The following AHI1 variants were observed in gnomAD, a reference collection of about 807,000 sequenced individuals.
AHI1 encodes the protein Abelson helper integration site 1, also known as jouberin.
Under a neutral mutation model 149.3 loss-of-function variants are expected in AHI1, and 123 were observed. The ratio of observed to expected loss-of-function variants is 0.82; its 90% CI spans 0.71 to 0.96. The LOEUF (loss-of-function observed/expected upper bound fraction) is 0.96. AHI1 is among the 40% of genes least tolerant of loss of function. The pLI is 0.00. For synonymous variants in AHI1, 475 were observed against 459.8 expected (o/e 1.03, Z -0.42); for missense variants, 1,439 against 1,422.7 (o/e 1.01, Z -0.18).
chr6:135,407,783 T>C lies in AHI1; in HGVS notation c.2962-2806A>G, dbSNP rs1035552932. Among the ~76,000 whole-genome samples the C allele has an allele frequency of 2.0e-4, 30 of 152,072 alleles. 1 individual carries two copies. Among genetic ancestry groups the C allele is most frequent in the Admixed American group, 1.2e-3 (18 of 15,254 alleles). On this transcript the variant is annotated intron_variant, in intron 21 of 28. Transcript: ENST00000265602. Reference sequence around the variant, plus strand: ...ATCCCAGCACTTTGGGAGGCCGAGGTGGGCGGATCACAAGGTCAGGAGATC... The same window carrying C: ...ATCCCAGCACTTTGGGAGGCCGAGGCGGGCGGATCACAAGGTCAGGAGATC...
At chr6:135,309,921 A>T (rs1045009756) in intron 26 of AHI1, among the ~76,000 whole-genome samples, 1 of 152,194 alleles carries the variant, frequency 6.6e-6, no homozygotes, top group Non-Finnish European at 1.5e-5. Flanking sequence ...AGTTTAAAGC[A>T]AATCCAAGCA....
In AHI1 at chr6:135,347,545, T is replaced by A. The variant is rs568179533; in HGVS notation, c.3165+10587A>T. Among the ~76,000 whole-genome samples, 24 of 152,352 alleles carry A rather than the reference T, an allele frequency of 1.6e-4. No homozygotes were observed. The East Asian group carries it at 4.4e-3, about 28-fold the overall frequency. ...GAAGACCTTTTTTCTGTTTTCCCTT[T>A]GGCAAACGGTGATGATAATAATAAT... On this transcript the variant is annotated intron_variant, in intron 24 of 28. Coordinates refer to ENST00000265602, the MANE Select transcript of AHI1 (RefSeq NM_001134831.2).
intron 23 of AHI1, among the ~76,000 whole-genome samples, chr6:135,389,265 C>T (rs1393546082): frequency 1.4e-5 from 2 of 140,214 alleles, no homozygotes; most frequent in Admixed American, 7.0e-5. Flanking sequence ...GAGCCGAGAT[C>T]GTGCCACTGC....
At chr6:135,369,985 C>T (rs1377688591) in intron 23 of AHI1, among the ~76,000 whole-genome samples, 2 of 152,116 alleles carry the variant, frequency 1.3e-5, no homozygotes, top group Non-Finnish European at 2.9e-5. Flanking sequence ...AAATTCTTGC[C>T]TGCTAATGCC....
At chr6:135,400,725 C>T (rs377148974) in intron 22 of AHI1, among the ~76,000 whole-genome samples, 2 of 152,096 alleles carry the variant, frequency 1.3e-5, no homozygotes, top group Non-Finnish European at 2.9e-5. Flanking sequence ...TAAATATCTC[C>T]GCAGGTAGCT....
intron 24 of AHI1, among the ~76,000 whole-genome samples, chr6:135,329,246 C>T (rs146684837): frequency 4.2e-4 from 64 of 152,200 alleles, no homozygotes; most frequent in Non-Finnish European, 6.9e-4. Flanking sequence ...AAGAAGATGC[C>T]GTCTATGACT....
intron 24 of AHI1, among the ~76,000 whole-genome samples, chr6:135,338,537 C>G (rs538095394): frequency 6.6e-6 from 1 of 152,240 alleles, no homozygotes; most frequent in South Asian, 2.1e-4. Flanking sequence ...ACTTCCAGAA[C>G]AGTGAAGCAG....
chr6:135,484,207 C>T (rs746758676), intron 5 of AHI1, among the ~76,000 whole-genome samples: 14 of 152,104 alleles, frequency 9.2e-5, no homozygotes, highest in African/African-American at 2.4e-4. Flanking sequence ...GATTCAATTA[C>T]CTCCCATTGA....
chr6:135,395,494 A>C (rs1227489538), intron 22 of AHI1, among the ~76,000 whole-genome samples: 1 of 151,958 alleles, frequency 6.6e-6, no homozygotes, highest in African/African-American at 2.4e-5. Context: ...TATAACATAC[A>C]AAACCTAGTA....
intron 20 of AHI1, among the ~76,000 whole-genome samples, chr6:135,417,815 C>T (rs971857053): frequency 1.3e-5 from 2 of 151,920 alleles, no homozygotes; most frequent in Non-Finnish European, 2.9e-5. Context: ...AAACAGAAGC[C>T]GTTCAGAAGT....
At chr6:135,300,837 A>C in intron 26 of AHI1, 3 of 1,099,818 alleles carry the variant, frequency 2.7e-6, no homozygotes, top group Non-Finnish European at 3.3e-6. Flanking sequence ...AAAAAAAATC[A>C]GTTGTGAATC....
chr6:135,296,259 G>A (rs1237508452), intron 27 of AHI1, among the ~76,000 whole-genome samples: 1 of 151,842 alleles, frequency 6.6e-6, no homozygotes, highest in East Asian at 1.9e-4. Flanking sequence ...ACTTTTTTCC[G>A]AGGCACCACC....
At chr6:135,347,197 G>A (rs1201070440) in intron 24 of AHI1, among the ~76,000 whole-genome samples, 1 of 152,164 alleles carries the variant, frequency 6.6e-6, no homozygotes, top group Non-Finnish European at 1.5e-5. Flanking sequence ...CTTTCCAGTG[G>A]TGCCTGTTGT....
At chr6:135,451,203 G>T (rs953173303) in intron 11 of AHI1, among the ~76,000 whole-genome samples, 5 of 152,012 alleles carry the variant, frequency 3.3e-5, no homozygotes, top group African/African-American at 9.7e-5. Flanking sequence ...CACCATATTG[G>T]CCAGGTTGGT....
At chr6:135,459,391 T>C (rs1417196095) in intron 8 of AHI1, among the ~76,000 whole-genome samples, 1 of 152,068 alleles carries the variant, frequency 6.6e-6, no homozygotes, top group South Asian at 2.1e-4. Flanking sequence ...TAGTCTTAAA[T>C]GCATATAAAA....
At chr6:135,425,947 A>G (rs1783855489) in intron 20 of AHI1, among the ~76,000 whole-genome samples, 1 of 151,924 alleles carries the variant, frequency 6.6e-6, no homozygotes, top group African/African-American at 2.4e-5. Context: ...AATTGAATGA[A>G]GACTACTGTA....
At position 135,431,376 on chromosome 6, in the gene AHI1, G is replaced by A. The variant is rs550594801; in HGVS notation, c.2267-62C>T. ...CACACAGAGTTAGAAACAAATAATAGGAAATCGGGGGAAACTATACCCCAG... is the reference window on the plus strand; with the variant it reads ...CACACAGAGTTAGAAACAAATAATAAGAAATCGGGGGAAACTATACCCCAG... On this transcript the variant is annotated intron_variant, in intron 16 of 28. Coordinates refer to ENST00000265602, the MANE Select transcript of AHI1 (RefSeq NM_001134831.2). 10 of 957,220 alleles carry A rather than the reference G, an allele frequency of 1.0e-5. No homozygotes were observed. The South Asian group carries it at 1.9e-4, about 18-fold the overall frequency. The allele number at this position is 957,220 out of a possible 1,614,324, so 59.3% of individuals were successfully genotyped here.
chr6:135,374,108 ATTTTTTTTTTT>A lies in AHI1; in HGVS notation c.3110-15932_3110-15922del, dbSNP rs869245989. Among the ~76,000 whole-genome samples, 383 of 49,794 alleles carry A rather than the reference ATTTTTTTTTTT, an allele frequency of 7.7e-3. 1 individual carries two copies. Among genetic ancestry groups the A allele is most frequent in the South Asian group, 0.015 (20 of 1,334 alleles). 32.7% of individuals were successfully genotyped at this position (49,794 alleles called of 152,430 possible). ...TATATATATATATATATATATATATATTTTTTTTTTTTTTTTTTTTTTTGAGATGGAGTCTT... is the reference window on the plus strand; with the variant it reads ...TATATATATATATATATATATATATATTTTTTTTTTTTGAGATGGAGTCTT... On this transcript the variant is annotated intron_variant, in intron 23 of 28. Coordinates refer to ENST00000265602, the MANE Select transcript of AHI1 (RefSeq NM_001134831.2).
chr6:135,469,492 G>A (rs1475494506), intron 5 of AHI1, among the ~76,000 whole-genome samples: 1 of 151,722 alleles, frequency 6.6e-6, no homozygotes, highest in Non-Finnish European at 1.5e-5. Flanking sequence ...AATTCATATG[G>A]AACAAAAAAA....
Sources: allele counts gnomAD v4.1 joint callset (sites outside exome capture counted in the v4.1 genomes callset), GRCh38; gene constraint gnomAD v4.1.1; transcripts MANE v1.5; gene names NCBI Gene and HGNC (gene_info 2026-07-23, HGNC 2026-07-21).